The following PLCE1 variants were observed in gnomAD, a reference collection of about 807,000 sequenced individuals.
The protein encoded by PLCE1 is phospholipase C epsilon 1, also known as 1-phosphatidylinositol 4,5-bisphosphate phosphodiesterase epsilon-1.
A neutral mutation model predicts 242.8 loss-of-function variants in PLCE1; 119 were observed. The observed-to-expected ratio is 0.49, with a 90% CI of 0.42 to 0.57. The LOEUF (loss-of-function observed/expected upper bound fraction) is 0.57. Among genes scored for constraint, PLCE1 ranks in the 20% least tolerant of loss-of-function variants. The pLI is 0.00. For missense variants in PLCE1, 2,441 were observed against 2,788.8 expected, an observed-to-expected ratio of 0.88 and a Z score of 2.81; for synonymous variants, 945 against 1,017.4, an observed-to-expected ratio of 0.93 and a Z score of 1.35.
At chr10:94,236,206 G>C in intron 7 of PLCE1, 86 bp downstream of exon 7, 1 of 1,098,626 alleles carries the variant, frequency 9.1e-7, no homozygotes, top group Admixed American at 2.0e-5. Flanking sequence ...CTTAGTTTCA[G>C]ATGGACACCT....
intron 1 of PLCE1, among the ~76,000 whole-genome samples, chr10:94,023,777 T>C (rs879685748): frequency 2.6e-5 from 4 of 152,128 alleles, no homozygotes; most frequent in Admixed American, 6.6e-5. Flanking sequence ...ACTTCTAATA[T>C]GTAATATACA....
At chr10:94,325,139 C>A in intron 32 of PLCE1, 35 bp downstream of exon 32, 1 of 1,440,308 alleles carries the variant, frequency 6.9e-7, no homozygotes, top group Non-Finnish European at 9.8e-7. Flanking sequence ...TGGAACAGGG[C>A]TTAACTTAAA....
intron 29 of PLCE1, among the ~76,000 whole-genome samples, chr10:94,317,534 TA>T (rs1277965157): frequency 6.6e-6 from 1 of 152,118 alleles, no homozygotes; most frequent in African/African-American, 2.4e-5. Context: ...TGCTTACAAG[TA>T]AAATAATAAT....
chr10:94,068,301 G>A (rs769352314), intron 2 of PLCE1, among the ~76,000 whole-genome samples: 4 of 152,042 alleles, frequency 2.6e-5, no homozygotes, highest in Non-Finnish European at 5.9e-5. Flanking sequence ...CATACTCCAC[G>A]CTTCTCCACC....
At chr10:94,020,670 CA>C (rs1391809520) in intron 1 of PLCE1, among the ~76,000 whole-genome samples, 1 of 151,698 alleles carries the variant, frequency 6.6e-6, no homozygotes, top group Admixed American at 6.6e-5. Flanking sequence ...GGTTGAGGTT[CA>C]TTTTTTTTCA....
At chr10:94,005,772 C>T (rs2061023518) in intron 1 of PLCE1, among the ~76,000 whole-genome samples, 1 of 152,202 alleles carries the variant, frequency 6.6e-6, no homozygotes, top group Admixed American at 6.5e-5. Flanking sequence ...AAAACCCTCA[C>T]CTGATTGAGT....
intron 4 of PLCE1, among the ~76,000 whole-genome samples, chr10:94,174,054 AG>A (rs947693358): frequency 2.0e-5 from 3 of 152,222 alleles, no homozygotes; most frequent in Non-Finnish European, 4.4e-5. Context: ...CATACTGTAA[AG>A]AAAAGGAAGA....
intron 1 of PLCE1, among the ~76,000 whole-genome samples, chr10:93,997,924 G>T (rs74565690): frequency 0.011 from 1,735 of 152,224 alleles, 17 homozygotes; most frequent in Middle Eastern, 0.02. Context: ...GGCATGTGGG[G>T]GCTTACATAT....
chr10:94,118,539 A>G (rs961838761), intron 2 of PLCE1, among the ~76,000 whole-genome samples: 1 of 152,270 alleles, frequency 6.6e-6, no homozygotes, highest in East Asian at 1.9e-4. Context: ...TGCTGTTCTC[A>G]TGATAGTGAA....
chr10:94,191,363 C>T (rs1458044954), intron 4 of PLCE1, among the ~76,000 whole-genome samples: 3 of 152,070 alleles, frequency 2.0e-5, no homozygotes, highest in South Asian at 2.1e-4. Flanking sequence ...TTGGGCTGGA[C>T]GGGCACAGGC....
chr10:94,304,680 G>A (rs367636207), intron 25 of PLCE1, 35 bp downstream of exon 25: 249 of 1,606,940 alleles, frequency 1.5e-4, no homozygotes, highest in Non-Finnish European at 2.0e-4. Flanking sequence ...ACATAAGGTC[G>A]GGTTTAAGCC....
At chr10:94,314,387 C>T (rs2053498231) in intron 28 of PLCE1, among the ~76,000 whole-genome samples, 1 of 152,120 alleles carries the variant, frequency 6.6e-6, no homozygotes, top group Non-Finnish European at 1.5e-5. Context: ...ATCACGAGGT[C>T]AAGAGATGGA....
chr10:94,034,609 TTGAG>T (rs2061627869), intron 2 of PLCE1, among the ~76,000 whole-genome samples: 1 of 152,162 alleles, frequency 6.6e-6, no homozygotes, highest in South Asian at 2.1e-4. Context: ...CATCTGTTGA[TTGAG>T]TGACCCCATT....
At chr10:94,076,266 G>T (rs1477952948) in intron 2 of PLCE1, among the ~76,000 whole-genome samples, 1 of 152,092 alleles carries the variant, frequency 6.6e-6, no homozygotes, top group Non-Finnish European at 1.5e-5. Context: ...TTTAGTAGGA[G>T]GTTATTATCT....
intron 3 of PLCE1, chr10:94,138,258 C>A: frequency 3.0e-6 from 1 of 332,432 alleles, no homozygotes; most frequent in Non-Finnish European, 5.9e-6. Context: ...CCTTGATATT[C>A]CACAGTGCAT....
At chr10:94,012,902 T>C (rs2061197552) in intron 1 of PLCE1, among the ~76,000 whole-genome samples, 1 of 152,246 alleles carries the variant, frequency 6.6e-6, no homozygotes, top group Admixed American at 6.5e-5. Flanking sequence ...TCAGTCACTC[T>C]AGAAAGCCTT....
chr10:94,228,665 A>G (rs1457462694), intron 5 of PLCE1, among the ~76,000 whole-genome samples: 2 of 152,084 alleles, frequency 1.3e-5, no homozygotes, highest in Non-Finnish European at 2.9e-5. Flanking sequence ...TTAGGGGAGG[A>G]GATGAAAACT....
At chr10:94,147,442 AAGAGAGAG>A (rs1015779894) in intron 3 of PLCE1, among the ~76,000 whole-genome samples, 1 of 146,352 alleles carries the variant, frequency 6.8e-6, no homozygotes, top group Admixed American at 7.0e-5. Flanking sequence ...AAGAGAGAGA[AAGAGAGAG>A]AGAGAGAAAG....
chr10:94,230,988 A>G (rs750064694), intron 5 of PLCE1, among the ~76,000 whole-genome samples: 12 of 152,198 alleles, frequency 7.9e-5, no homozygotes, highest in Non-Finnish European at 1.3e-4. Flanking sequence ...TCTATCCCTA[A>G]TAACCTCAGC....
Sources: allele counts gnomAD v4.1 joint callset (sites outside exome capture counted in the v4.1 genomes callset), GRCh38; gene constraint gnomAD v4.1.1; transcripts MANE v1.5; gene names NCBI Gene and HGNC (gene_info 2026-07-23, HGNC 2026-07-21).